The following PLEKHG3 variants were observed in gnomAD, a reference collection of about 807,000 sequenced individuals.
The protein encoded by PLEKHG3 is pleckstrin homology and RhoGEF domain containing G3.
In PLEKHG3, 62 loss-of-function variants were observed where a neutral mutation model predicts 94.9. The ratio of observed to expected loss-of-function variants is 0.65; its 90% CI spans 0.53 to 0.81. The LOEUF is 0.81. PLEKHG3 is among the 30% of genes least tolerant of loss of function. The pLI is 0.00. For missense variants in PLEKHG3, 1,461 were observed against 1,619.3 expected (o/e 0.90, Z 1.68); for synonymous variants, 614 against 654.0 (o/e 0.94, Z 0.93).
At position 64,748,897 on chromosome 14, in the gene PLEKHG3, C is replaced by T. The variant is rs1004594271; in HGVS notation, c.*5194C>T. ...CCCGAAGCAAGACTTGCTTTAGGAA[C>T]GGGCAGCGTTTGAAGAACCCCATCA... is the stretch of plus-strand genomic sequence containing the variant. On this transcript the variant is annotated 3_prime_UTR_variant, in exon 17 of 17. Coordinates refer to ENST00000247226, the MANE Select transcript of PLEKHG3 (RefSeq NM_001308147.2). 5.7e-6 allele frequency: 1 copy of T among 176,286 alleles called. No homozygotes were observed. The highest frequency in any genetic ancestry group is 1.2e-5 in the Non-Finnish European group (1 of 85,042). 10.9% of individuals were successfully genotyped at this position (176,286 alleles called of 1,614,324 possible).
chr14:64,732,827 C>T lies in PLEKHG3; in HGVS notation c.1271C>T (p.Pro424Leu), dbSNP rs1302567371. ...SYYPNRYRCS[P>L]ERLKKAWSSQ... ...GATCCCAATCGGTACCGCTGCAGCC[C>T]AGAGCGGCTGAAGAAGGCTTGGTCC... Residue 424 changes from proline (P) to leucine (L), a missense_variant, in exon 12 of 17, where the codon CCA becomes CTA. By Grantham distance (98) the Pro-to-Leu change is moderately conservative. Transcript: ENST00000247226. This position sits in a 1 kb window ranked among gnomAD's most constrained non-coding sequence, Gnocchi z 4.9. 6.2e-7 allele frequency: 1 copy of T among 1,609,870 alleles called. No individual in the cohort carries two copies. The highest frequency in any genetic ancestry group is 1.1e-5 in the South Asian group (1 of 89,846).
chr14:64,708,540 G>A (rs1039442913), intron 1 of PLEKHG3, among the ~76,000 whole-genome samples: 1 of 152,110 alleles, frequency 6.6e-6, no homozygotes, highest in Admixed American at 6.6e-5. Context: ...ATAAGGGTTC[G>A]CCAGGGACCA....
At chr14:64,707,181 C>G (rs969330010) in intron 1 of PLEKHG3, among the ~76,000 whole-genome samples, 1 of 152,212 alleles carries the variant, frequency 6.6e-6, no homozygotes, top group East Asian at 1.9e-4. Context: ...CCAGCGGGGG[C>G]CCTGGCAGCT....
chr14:64,740,862 A>G (rs538434885), intron 15 of PLEKHG3, among the ~76,000 whole-genome samples, 174 bp from the exon 16 acceptor site: 2 of 152,306 alleles, frequency 1.3e-5, no homozygotes, highest in African/African-American at 2.4e-5. Context: ...GGACACAGTC[A>G]TGTTCCTCTA....
Position 64,742,176 on chromosome 14 carries a change from C to A in PLEKHG3, c.2659C>A (p.Leu887Met). 6.2e-7 allele frequency: 1 copy of A among 1,612,744 alleles called. No homozygotes were observed. Among genetic ancestry groups the A allele is most frequent in the Non-Finnish European group, 8.5e-7 (1 of 1,180,002 alleles). The change falls in exon 16 of 17, where the codon CTG (leucine) becomes ATG (methionine). Residue 887 changes from leucine (L) to methionine (M), a missense_variant. Leu to Met is a conservative substitution (Grantham distance 15, BLOSUM62 2). Around this residue, in one of 3 missense-constraint regions of PLEKHG3, gnomAD observed 1,201 missense variants for 1,295.5 expected, o/e 0.93. Coordinates refer to ENST00000247226, the MANE Select transcript of PLEKHG3 (RefSeq NM_001308147.2). Reference sequence around the variant, plus strand: ...CCACCTGGCCCGGGAGCTGAAAGAGCTGGTGAAGGAGCTGAGCAGCAGTAC... The same window carrying A: ...CCACCTGGCCCGGGAGCTGAAAGAGATGGTGAAGGAGCTGAGCAGCAGTAC... ...PAHLARELKE[L>M]VKELSSSTQG...
rs775123060 is a variant in PLEKHG3 at position 64,727,976 on chromosome 14, C to T, written c.345C>T (p.Ile115=). Residue 115 remains isoleucine (I), a synonymous_variant, in exon 2 of 17, where the codon ATC becomes ATT. Transcript: ENST00000247226. The surrounding 1 kb of genome is among the most constrained non-coding windows in gnomAD (Gnocchi z 6.0). ...TGTACGTACAGGACCTGCGCAGCATCGTGGAGGTGCGTGTCGGAGGCCTTG... is the reference window on the plus strand; with the variant it reads ...TGTACGTACAGGACCTGCGCAGCATTGTGGAGGTGCGTGTCGGAGGCCTTG... ...ERMYVQDLRS[I]VEDYLLKIID... 25 of 1,555,450 alleles carry T rather than the reference C, an allele frequency of 1.6e-5. No individual in the cohort carries two copies. The highest frequency in any genetic ancestry group is 4.1e-5 in the African/African-American group (3 of 73,600).
Position 64,732,403 on chromosome 14 carries a change from C to G in PLEKHG3, c.1213-24C>G. The G allele has an allele frequency of 6.2e-7, 1 of 1,608,580 alleles. No individual in the cohort carries two copies. The highest frequency in any genetic ancestry group is 1.7e-5 in the Admixed American group (1 of 60,024). Reference sequence around the variant, plus strand: ...GGCCGGCACATGGTAAGGTAATAACCAGGTGTGTTTCCTTCCCCTTCAGGC... The same window carrying G: ...GGCCGGCACATGGTAAGGTAATAACGAGGTGTGTTTCCTTCCCCTTCAGGC... On this transcript the variant is annotated intron_variant, in intron 10 of 16. Transcript: ENST00000247226. This position sits in a 1 kb window ranked among gnomAD's most constrained non-coding sequence, Gnocchi z 4.9.
rs1030019624 is a variant in PLEKHG3 at position 64,748,110 on chromosome 14, C to G, written c.*4407C>G. On this transcript the variant is annotated 3_prime_UTR_variant, in exon 17 of 17. Transcript: ENST00000247226. ...ATCAAGGGGTACCACACCTTCATGG[C>G]TCTGGCCCTGACATTTGTCCCAGTT... 2 of 152,244 alleles carry G rather than the reference C, an allele frequency of 1.3e-5. No individual in the cohort carries two copies. Among genetic ancestry groups the G allele is most frequent in the Non-Finnish European group, 2.9e-5 (2 of 68,074 alleles). 9.4% of individuals were successfully genotyped at this position (152,244 alleles called of 1,614,324 possible).
intron 3 of PLEKHG3, among the ~76,000 whole-genome samples, chr14:64,729,308 T>C (rs560995807): frequency 2.0e-5 from 3 of 152,186 alleles, no homozygotes; most frequent in African/African-American, 4.8e-5. Flanking sequence ...GTTGTGTGCA[T>C]GTTGGGTCCA....
Position 64,744,771 on chromosome 14 carries a change from A to ATTTTTTTTTTTTTTTTTTTTTTT in PLEKHG3, c.*1088_*1089insTTTTTTTTTTTTTTTTTTTTTTT, listed in dbSNP as rs397954215. 110 of 122,004 alleles carry ATTTTTTTTTTTTTTTTTTTTTTT rather than the reference A, an allele frequency of 9.0e-4. 4 individuals are homozygous for ATTTTTTTTTTTTTTTTTTTTTTT. Among genetic ancestry groups the ATTTTTTTTTTTTTTTTTTTTTTT allele is most frequent in the African/African-American group, 3.6e-3 (105 of 29,486 alleles). The allele number at this position is 122,004 out of a possible 1,614,324, so 7.6% of individuals were successfully genotyped here. ...CCAGGAAACATCCTAGAAGACAAGG[A>ATTTTTTTTTTTTTTTTTTTTTTT]TTTTTTTTTTTTTTTTTTTTGAGAC... On this transcript the variant is annotated 3_prime_UTR_variant, in exon 17 of 17. Transcript: ENST00000247226.
chr14:64,750,074 A>G lies in PLEKHG3; in HGVS notation c.*6371A>G, dbSNP rs765080927. On this transcript the variant is annotated 3_prime_UTR_variant, in exon 17 of 17. Coordinates refer to ENST00000247226, the MANE Select transcript of PLEKHG3 (RefSeq NM_001308147.2). ...CAGGGGTTCCTCCCCATGGTAGGGCATCCCCAGGGCCAGGTTCTTGGCATC... is the reference window on the plus strand; with the variant it reads ...CAGGGGTTCCTCCCCATGGTAGGGCGTCCCCAGGGCCAGGTTCTTGGCATC... 3 of 1,614,202 alleles carry G rather than the reference A, an allele frequency of 1.9e-6. No homozygotes were observed. In the South Asian group the frequency reaches 3.3e-5, roughly 18 times the overall value.
chr14:64,729,673 C>G (rs536311695), intron 3 of PLEKHG3, among the ~76,000 whole-genome samples: 2 of 152,126 alleles, frequency 1.3e-5, no homozygotes, highest in Non-Finnish European at 2.9e-5. Flanking sequence ...CAGGAAGAAT[C>G]GTATCCCAGG....
chr14:64,749,749 G>C lies in PLEKHG3; in HGVS notation c.*6046G>C. ...GGAGACACCTCTGGAGGGGGCGCTG[G>C]GCAGAGGGCTGGCTCTGATCCCACA... On this transcript the variant is annotated 3_prime_UTR_variant, in exon 17 of 17. Transcript: ENST00000247226. The surrounding 1 kb of genome is among the most constrained non-coding windows in gnomAD (Gnocchi z 4.7). 6.3e-7 allele frequency: 1 copy of C among 1,599,398 alleles called. No homozygotes were observed. The highest frequency in any genetic ancestry group is 1.3e-5 in the African/African-American group (1 of 74,570).
At position 64,728,651 on chromosome 14, in the gene PLEKHG3, C is replaced by T. The variant is rs1383906879; in HGVS notation, c.352-345C>T. On this transcript the variant is annotated intron_variant, in intron 2 of 16. Coordinates refer to ENST00000247226, the MANE Select transcript of PLEKHG3 (RefSeq NM_001308147.2). The surrounding 1 kb of genome is among the most constrained non-coding windows in gnomAD (Gnocchi z 5.9). ...TCCTGGCAGTCTTTGACATTGTTGGCCTGGAGATGCGGCCCAGCACCTTCC... is the reference window on the plus strand; with the variant it reads ...TCCTGGCAGTCTTTGACATTGTTGGTCTGGAGATGCGGCCCAGCACCTTCC... Among the ~76,000 whole-genome samples, 1 of 152,112 alleles carries T rather than the reference C, an allele frequency of 6.6e-6. No homozygotes were observed. The highest frequency in any genetic ancestry group is 1.9e-4 in the East Asian group (1 of 5,178).
At chr14:64,705,619 C>T (rs2080959053) in intron 1 of PLEKHG3, among the ~76,000 whole-genome samples, 1 of 152,196 alleles carries the variant, frequency 6.6e-6, no homozygotes, top group African/African-American at 2.4e-5. Flanking sequence ...CCAGAGTCTC[C>T]CCAGCCGTGC....
Position 64,727,976 on chromosome 14 carries a change from C to A in PLEKHG3, c.345C>A (p.Ile115=). 1.3e-6 allele frequency: 2 copies of A among 1,555,566 alleles called. No individual in the cohort carries two copies. Among genetic ancestry groups the A allele is most frequent in the Admixed American group, 3.5e-5 (2 of 56,452 alleles). ...ERMYVQDLRS[I]VEDYLLKIID... ...TGTACGTACAGGACCTGCGCAGCAT[C>A]GTGGAGGTGCGTGTCGGAGGCCTTG... Residue 115 remains isoleucine (I), a synonymous_variant, in exon 2 of 17, where the codon ATC becomes ATA. Transcript: ENST00000247226. This position sits in a 1 kb window ranked among gnomAD's most constrained non-coding sequence, Gnocchi z 6.0.
Position 64,749,003 on chromosome 14 carries a change from A to T in PLEKHG3, c.*5300A>T. ...CCCCTCGGCTCAGGAGGAGGGTGGG[A>T]GAGGAGGGCGTGTGCCTCAGAGAAC... On this transcript the variant is annotated 3_prime_UTR_variant, in exon 17 of 17. Transcript: ENST00000247226. The surrounding 1 kb of genome is among the most constrained non-coding windows in gnomAD (Gnocchi z 4.7). 1 of 222,056 alleles carries T rather than the reference A, an allele frequency of 4.5e-6. No individual in the cohort carries two copies. The highest frequency in any genetic ancestry group is 8.1e-6 in the Non-Finnish European group (1 of 123,116). 13.8% of individuals were successfully genotyped at this position (222,056 alleles called of 1,614,324 possible).
intron 1 of PLEKHG3, among the ~76,000 whole-genome samples, chr14:64,713,526 G>T (rs549136712): frequency 6.6e-6 from 1 of 152,198 alleles, no homozygotes; most frequent in South Asian, 2.1e-4. Context: ...CTAGAAATTT[G>T]GCTGTTTCAA....
rs1030967776 is a variant in PLEKHG3, at chr14:64,704,434, T to TCCCTCCTG, written c.-305_-304insCTGCCCTC. On this transcript the variant is annotated 5_prime_UTR_variant, in exon 1 of 17. Transcript: ENST00000247226. This position sits in a 1 kb window ranked among gnomAD's most constrained non-coding sequence, Gnocchi z 5.6. ...CTCCCTCGCTCCCTCGCTCCCTCGC[T>TCCCTCCTG]CCCTCGCTCCCTCCTGCCCTCCCGC... 6.6e-6 allele frequency: 1 copy of TCCCTCCTG among 152,258 alleles called. No individual in the cohort carries two copies. Among genetic ancestry groups the TCCCTCCTG allele is most frequent in the African/African-American group, 2.7e-5 (1 of 37,492 alleles). The allele number at this position is 152,258 out of a possible 1,614,324, so 9.4% of individuals were successfully genotyped here.
Sources: gnomAD v4.1 joint callset for allele counts (sites outside exome capture counted in the v4.1 genomes callset) on GRCh38, gnomAD v4.1.1 for gene constraint, gnomAD v4.1.1 regional missense constraint, Gnocchi (gnomAD v3.1) non-coding constraint, MANE v1.5 for transcripts, NCBI Gene and HGNC (gene_info 2026-07-23, HGNC 2026-07-21) for gene names.